Variants in STAB2 observed in about 807,000 individuals in gnomAD.
The protein encoded by STAB2 is stabilin-2.
Under a neutral mutation model 338.1 loss-of-function variants are expected in STAB2, and 288 were observed. The observed-to-expected ratio is 0.85, with a 90% CI of 0.77 to 0.94. The LOEUF is 0.94. Ranked by LOEUF, STAB2 falls within the 40% of genes least tolerant of loss-of-function variation. The probability of loss-of-function intolerance (pLI) is 0.00; values close to 1 mark genes in which losing one functional copy is unlikely to be tolerated. For missense variants in STAB2, 3,141 were observed against 3,210.1 expected (o/e 0.98, Z 0.52); for synonymous variants, 1,202 against 1,193.3 (o/e 1.01, Z -0.15).
chr12:103,697,981 T>A (rs1878544159), intron 33 of STAB2, among the ~76,000 whole-genome samples: 1 of 152,104 alleles, frequency 6.6e-6, no homozygotes, highest in African/African-American at 2.4e-5. Flanking sequence ...CTGGCTGGTG[T>A]CTTATGAGCG....
chr12:103,695,849 G>A lies in STAB2; in HGVS notation c.3582+5G>A. ...GAGAAGAAAGTCTTGTCTCTAGTAA[G>A]TGTCAAGAACTATAACTAGGGAAGT... is the stretch of plus-strand genomic sequence containing the variant. On this transcript the variant is annotated splice_donor_5th_base_variant and intron_variant, in intron 33 of 68. Coordinates refer to ENST00000388887, the MANE Select transcript of STAB2 (RefSeq NM_017564.10). The A allele has an allele frequency of 1.2e-6, 2 of 1,613,242 alleles. No homozygotes were observed. The highest frequency in any genetic ancestry group is 3.3e-5 in the Admixed American group (2 of 60,010).
At chr12:103,764,797 C>T (rs1224820441) in intron 68 of STAB2, among the ~76,000 whole-genome samples, 1 of 152,020 alleles carries the variant, frequency 6.6e-6, no homozygotes, top group East Asian at 1.9e-4. Flanking sequence ...TTCTGGTTCA[C>T]ATTTCAAGGG....
At chr12:103,679,505 C>G (rs1876704446) in intron 25 of STAB2, among the ~76,000 whole-genome samples, 1 of 152,174 alleles carries the variant, frequency 6.6e-6, no homozygotes, top group African/African-American at 2.4e-5. Flanking sequence ...TAGAAGCACA[C>G]TACACCCAGG....
chr12:103,655,467 G>T lies in STAB2; in HGVS notation c.1620G>T (p.Leu540Phe). The change falls in exon 15 of 69, where the codon TTG becomes TTT. Residue 540 changes from leucine to phenylalanine, a missense_variant. By Grantham distance (22) the Leu-to-Phe change is conservative. Transcript: ENST00000388887. ...TTTCCCAAATGCAGGAAACCAATTT[G>T]GGACATGCCTTAGATGAGGATGGAG... ...KFRSLLEETNLGHALDEDGVG... is the reference protein window; with the variant it reads ...KFRSLLEETNFGHALDEDGVG... The T allele has an allele frequency of 6.2e-7, 1 of 1,613,942 alleles. No individual in the cohort carries two copies. Among genetic ancestry groups the T allele is most frequent in the Admixed American group, 1.7e-5 (1 of 59,980 alleles).
At chr12:103,756,355 T>C (rs1884101381) in intron 63 of STAB2, among the ~76,000 whole-genome samples, 1 of 152,214 alleles carries the variant, frequency 6.6e-6, no homozygotes, top group Non-Finnish European at 1.5e-5. Context: ...TTCTTGAGCA[T>C]TTAAGAGGAC....
At chr12:103,606,336 T>G in intron 3 of STAB2, among the ~76,000 whole-genome samples, 1 of 152,192 alleles carries the variant, frequency 6.6e-6, no homozygotes, top group East Asian at 1.9e-4. Flanking sequence ...AGCCCCACAT[T>G]ATATTGTTAC....
In STAB2 at chr12:103,720,626, C is replaced by T. The variant is rs540303654; in HGVS notation, c.4683+2785C>T. 6.8e-4 allele frequency among the ~76,000 whole-genome samples: 103 copies of T among 152,198 alleles called. 1 individual carries two copies. Among genetic ancestry groups the T allele is most frequent in the African/African-American group, 1.7e-3 (72 of 41,530 alleles). ...AAATAGTCCTGGTGCTAAATCTGGC[C>T]CAAGAACAATTATTTCTGCTCAAGT... is the stretch of plus-strand genomic sequence containing the variant. On this transcript the variant is annotated intron_variant, in intron 44 of 68. Transcript: ENST00000388887.
rs369556936 is a variant in STAB2, at chr12:103,749,841, C to CAA, written c.6439-708_6439-707dup. On this transcript the variant is annotated intron_variant, in intron 59 of 68. Transcript: ENST00000388887. ...GGTGACAGAGCAAGACTCTGTCTCA[C>CAA]AAAAAAAAAAAAAAAAAAAAAAAAA... Among the ~76,000 whole-genome samples the CAA allele has an allele frequency of 8.2e-4, 42 of 51,154 alleles. 3 individuals carry two copies. The highest frequency in any genetic ancestry group is 1.9e-3 in the African/African-American group (27 of 14,056). 33.6% of individuals were successfully genotyped at this position (51,154 alleles called of 152,430 possible).
At chr12:103,705,985 G>A (rs1222910758) in intron 37 of STAB2, among the ~76,000 whole-genome samples, 1 of 152,176 alleles carries the variant, frequency 6.6e-6, no homozygotes, top group East Asian at 1.9e-4. Flanking sequence ...AGGCTAATGG[G>A]ACCACCCTGT....
intron 50 of STAB2, 47 bp downstream of exon 50, chr12:103,731,682 A>C (rs1165562664): frequency 6.3e-7 from 1 of 1,574,878 alleles, no homozygotes; most frequent in African/African-American, 1.4e-5. Flanking sequence ...TGCCTAAAGA[A>C]GTTTTGTTTT....
intron 4 of STAB2, 40 bp from the exon 5 acceptor site, chr12:103,622,002 C>T (rs573564516): frequency 6.2e-7 from 1 of 1,604,334 alleles, no homozygotes; most frequent in South Asian, 1.1e-5. Context: ...TACCATGGGT[C>T]ACCTTGGGTC....
intron 27 of STAB2, among the ~76,000 whole-genome samples, 168 bp downstream of exon 27, chr12:103,685,252 A>T (rs1046773721): frequency 2.0e-5 from 3 of 152,172 alleles, no homozygotes; most frequent in Non-Finnish European, 2.9e-5. Flanking sequence ...CACGTTTTCT[A>T]CAGGCTGAAG....
At position 103,637,168 on chromosome 12, in the gene STAB2, C is replaced by A; in HGVS notation, c.641C>A (p.Thr214Asn). ...CPENSRCSPS[T>N]EDENKLECKC... The stretch of plus-strand genomic sequence containing the variant: ...GAAAATTCCAGATGTTCGCCTTCCA[C>A]TGAAGATGAAAACAAACTGGAATGC... The change falls in exon 7 of 69, where the codon ACT becomes AAT. Residue 214 changes from threonine to asparagine, a missense_variant. Physicochemically the swap from Thr to Asn is moderately conservative, Grantham distance 65 (BLOSUM62 0). Coordinates refer to ENST00000388887, the MANE Select transcript of STAB2 (RefSeq NM_017564.10). 6.2e-7 allele frequency: 1 copy of A among 1,612,910 alleles called. No homozygotes were observed. Among genetic ancestry groups the A allele is most frequent in the Non-Finnish European group, 8.5e-7 (1 of 1,179,678 alleles).
intron 11 of STAB2, among the ~76,000 whole-genome samples, chr12:103,651,656 G>T (rs765690930): frequency 6.6e-5 from 10 of 152,080 alleles, no homozygotes; most frequent in Admixed American, 6.5e-5. Flanking sequence ...TGTCTTAAAT[G>T]CTCTGTGAAA....
chr12:103,655,687 T>C (rs1378996165), intron 15 of STAB2, 106 bp downstream of exon 15: 1 of 1,370,328 alleles, frequency 7.3e-7, no homozygotes, highest in Non-Finnish European at 9.9e-7. Context: ...GTTGTACATG[T>C]ATCACCACCT....
intron 27 of STAB2, among the ~76,000 whole-genome samples, chr12:103,685,718 T>C (rs539612012): frequency 9.9e-5 from 15 of 152,184 alleles, no homozygotes; most frequent in Non-Finnish European, 1.9e-4. Context: ...ACCACCAGTG[T>C]AGAACATTCT....
At chr12:103,604,765 A>G (rs931759796) in intron 3 of STAB2, among the ~76,000 whole-genome samples, 8 of 151,574 alleles carry the variant, frequency 5.3e-5, no homozygotes, top group African/African-American at 1.9e-4. Context: ...TAGTCTGGCT[A>G]TAAGTTCATC....
intron 48 of STAB2, 67 bp downstream of exon 48, chr12:103,729,062 G>A: frequency 6.6e-7 from 1 of 1,514,502 alleles, no homozygotes; most frequent in Non-Finnish European, 9.1e-7. Context: ...CCTGGATGGA[G>A]CTGGAGGCCA....
intron 42 of STAB2, 150 bp downstream of exon 42, chr12:103,713,918 G>C (rs1189935543): frequency 7.7e-7 from 1 of 1,301,664 alleles, no homozygotes; most frequent in African/African-American, 1.5e-5. Flanking sequence ...GCATGGAAAA[G>C]TGACCACAGG....
Sources: allele counts gnomAD v4.1 joint callset (sites outside exome capture counted in the v4.1 genomes callset), GRCh38; gene constraint gnomAD v4.1.1; transcripts MANE v1.5; gene names NCBI Gene and HGNC (gene_info 2026-07-23, HGNC 2026-07-21).